PGR: variants seen among roughly 807,000 people sequenced by gnomAD.
The protein encoded by PGR is progesterone receptor.
PGR carries 25 observed loss-of-function variants against 76.1 expected under a neutral mutation model. The ratio of observed to expected loss-of-function variants is 0.33; its 90% confidence interval spans 0.24 to 0.46. The LOEUF is 0.46. Among genes scored for constraint, PGR ranks in the 20% least tolerant of loss-of-function variants. The pLI is 1.00. For missense variants in PGR, 1,172 were observed against 1,225.3 expected (o/e 0.96, Z 0.65); for synonymous variants, 579 against 535.0 (o/e 1.08, Z -1.14).
intron 2 of PGR, among the ~76,000 whole-genome samples, chr11:101,112,589 G>T (rs1026978633): frequency 1.3e-5 from 2 of 152,168 alleles, no homozygotes; most frequent in East Asian, 1.9e-4. Context: ...GAGGACAGGG[G>T]AGTGCTGGCA....
In PGR at chr11:101,032,830, C is replaced by T. The variant is rs56914699; in HGVS notation, c.*6286G>A. The T allele has an allele frequency of 1.0e-4, 19 of 189,226 alleles. No homozygotes were observed. Among genetic ancestry groups the T allele is most frequent in the East Asian group, 6.8e-4 (8 of 11,786 alleles). The allele number at this position is 189,226 out of a possible 1,614,324, so 11.7% of individuals were successfully genotyped here. On this transcript the variant is annotated 3_prime_UTR_variant, in exon 8 of 8. Transcript: ENST00000325455. Reference sequence around the variant, plus strand: ...CATCCAACTCTAAGCTCGGAGAAGACGGGAACACTGGTAATCTCCACAATC... The same window carrying T: ...CATCCAACTCTAAGCTCGGAGAAGATGGGAACACTGGTAATCTCCACAATC...
intron 2 of PGR, among the ~76,000 whole-genome samples, chr11:101,092,388 G>C (rs2135457631): frequency 1.3e-5 from 2 of 152,232 alleles, no homozygotes; most frequent in East Asian, 3.9e-4. Flanking sequence ...TCTCTTTAAG[G>C]AATCAATGGA....
chr11:101,127,420 TC>T lies in PGR; in HGVS notation c.1637+13del. The T allele has an allele frequency of 6.5e-7, 1 of 1,529,736 alleles. No individual in the cohort carries two copies. The highest frequency in any genetic ancestry group is 1.4e-5 in the African/African-American group (1 of 69,924). The allele number at this position is 1,529,736 out of a possible 1,614,324, so 94.8% of individuals were successfully genotyped here. On this transcript the variant is annotated intron_variant, in intron 1 of 7. Coordinates refer to ENST00000325455, the MANE Select transcript of PGR (RefSeq NM_000926.4). The stretch of plus-strand genomic sequence containing the variant: ...TCCCGGACGCGCTGGGCGTGCCCCG[TC>T]CCGGGCCCTCACCTCAGGTAGTTGA...
intron 3 of PGR, among the ~76,000 whole-genome samples, chr11:101,084,588 G>C (rs1861427368): frequency 6.6e-6 from 1 of 151,900 alleles, no homozygotes; most frequent in Non-Finnish European, 1.5e-5. Flanking sequence ...AACCTGGGAG[G>C]TGGAGGTTGC....
chr11:101,095,862 G>C (rs1861816005), intron 2 of PGR, among the ~76,000 whole-genome samples: 2 of 152,094 alleles, frequency 1.3e-5, no homozygotes, highest in South Asian at 4.1e-4. Flanking sequence ...TCTATATCTA[G>C]TCAAGTTATT....
At chr11:101,057,853 T>G (rs191209785) in intron 4 of PGR, among the ~76,000 whole-genome samples, 7 of 152,264 alleles carry the variant, frequency 4.6e-5, no homozygotes, top group African/African-American at 1.7e-4. Context: ...GGTGGAGCTG[T>G]GTAATAAGCA....
intron 2 of PGR, among the ~76,000 whole-genome samples, chr11:101,104,240 T>C (rs1488267293): frequency 2.6e-5 from 4 of 152,350 alleles, no homozygotes; most frequent in African/African-American, 9.6e-5. Context: ...AATCACTGGA[T>C]ATTTATGGGT....
At chr11:101,065,586 T>C (rs1197668033) in intron 3 of PGR, among the ~76,000 whole-genome samples, 1 of 152,158 alleles carries the variant, frequency 6.6e-6, no homozygotes, top group Non-Finnish European at 1.5e-5. Context: ...CAGTGACAGT[T>C]TAGAATGACT....
chr11:101,077,816 G>A (rs534774724), intron 3 of PGR, among the ~76,000 whole-genome samples: 52 of 152,296 alleles, frequency 3.4e-4, no homozygotes, highest in Admixed American at 8.5e-4. Flanking sequence ...GAGAGGTGCT[G>A]TCTCTGAGAG....
chr11:101,081,084 A>G (rs1339002160), intron 3 of PGR, among the ~76,000 whole-genome samples: 1 of 152,162 alleles, frequency 6.6e-6, no homozygotes, highest in Non-Finnish European at 1.5e-5. Context: ...AAACTTTCCT[A>G]ATCTTGCTAG....
At chr11:101,124,740 GTAAA>G (rs920027697) in intron 2 of PGR, among the ~76,000 whole-genome samples, 4 of 152,136 alleles carry the variant, frequency 2.6e-5, no homozygotes, top group African/African-American at 9.7e-5. Flanking sequence ...AACTGTAACT[GTAAA>G]TAAATAATGT....
chr11:101,064,331 C>CAAAAAAAA lies in PGR; in HGVS notation c.1907-1587_1907-1580dup. Among the ~76,000 whole-genome samples, 57 of 39,446 alleles carry CAAAAAAAA rather than the reference C, an allele frequency of 1.4e-3. 4 individuals carry two copies. The highest frequency in any genetic ancestry group is 0.029 in the Middle Eastern group (1 of 34). The allele number at this position is 39,446 out of a possible 152,430, so 25.9% of individuals were successfully genotyped here. On this transcript the variant is annotated intron_variant, in intron 3 of 7. Transcript: ENST00000325455. ...AGGTGACAAGGGAGAAACTCCACCT[C>CAAAAAAAA]AAAAAAAAAAAAAAAAAAAAAAAAA...
chr11:101,039,789 A>G (rs1859638019), intron 7 of PGR, among the ~76,000 whole-genome samples: 1 of 152,046 alleles, frequency 6.6e-6, no homozygotes, highest in Non-Finnish European at 1.5e-5. Flanking sequence ...CAGCAGCAGC[A>G]GCATCAATAG....
chr11:101,128,542 C>A lies in PGR; in HGVS notation c.529G>T (p.Gly177Trp). 1 of 1,599,404 alleles carries A rather than the reference C, an allele frequency of 6.3e-7. No homozygotes were observed. Among genetic ancestry groups the A allele is most frequent in the South Asian group, 1.1e-5 (1 of 89,700 alleles). The change falls in exon 1 of 8, where the codon GGG (glycine) becomes TGG (tryptophan). Residue 177 changes from glycine to tryptophan, a missense_variant. Gly to Trp is a radical substitution (Grantham distance 184). Transcript: ENST00000325455. ...AGCACTTTATGGGCAGCTGCCGTCC[C>A]GGAGCTGTCTCCAACCTTGCACCCG... Reference protein sequence around the residue: ...RSGCKVGDSSGTAAAHKVLPR... With the variant: ...RSGCKVGDSSWTAAAHKVLPR...
chr11:101,038,991 C>A lies in PGR; in HGVS notation c.*125G>T. 1 of 625,968 alleles carries A rather than the reference C, an allele frequency of 1.6e-6. No homozygotes were observed. Among genetic ancestry groups the A allele is most frequent in the Non-Finnish European group, 2.7e-6 (1 of 363,818 alleles). 38.8% of individuals were successfully genotyped at this position (625,968 alleles called of 1,614,324 possible). On this transcript the variant is annotated 3_prime_UTR_variant, in exon 8 of 8. Transcript: ENST00000325455. ...CCTCACAATTTTTCTTTTAAATTTA[C>A]ACACTATGATGTTATAAATGTAAGG...
At chr11:101,050,766 T>C (rs181526090) in intron 5 of PGR, among the ~76,000 whole-genome samples, 119 of 152,212 alleles carry the variant, frequency 7.8e-4, no homozygotes, top group African/African-American at 2.8e-3. Context: ...GATTATATAA[T>C]TCTCCTGAGA....
In PGR at chr11:101,037,644, A is replaced by G. The variant is rs1471861766; in HGVS notation, c.*1472T>C. On this transcript the variant is annotated 3_prime_UTR_variant, in exon 8 of 8. Coordinates refer to ENST00000325455, the MANE Select transcript of PGR (RefSeq NM_000926.4). Reference sequence around the variant, plus strand: ...AAATACACTTCTATTCTTCTATGTTATAGTCAGTAAAGGGAGAGATCTCAC... The same window carrying G: ...AAATACACTTCTATTCTTCTATGTTGTAGTCAGTAAAGGGAGAGATCTCAC... 1 of 225,702 alleles carries G rather than the reference A, an allele frequency of 4.4e-6. No homozygotes were observed. The highest frequency in any genetic ancestry group is 8.8e-6 in the Non-Finnish European group (1 of 113,432). The allele number at this position is 225,702 out of a possible 1,614,324, so 14.0% of individuals were successfully genotyped here.
chr11:101,123,850 A>G (rs1349447267), intron 2 of PGR, among the ~76,000 whole-genome samples: 1 of 152,214 alleles, frequency 6.6e-6, no homozygotes, highest in East Asian at 1.9e-4. Flanking sequence ...TTATGTGCAT[A>G]TGTTACCTCC....
At chr11:101,076,964 T>C (rs1269707638) in intron 3 of PGR, among the ~76,000 whole-genome samples, 1 of 147,686 alleles carries the variant, frequency 6.8e-6, no homozygotes, top group Admixed American at 6.8e-5. Context: ...GTTTGTTTTA[T>C]ACTGCCTCAT....
Sources: allele counts gnomAD v4.1 joint callset (sites outside exome capture counted in the v4.1 genomes callset), GRCh38; gene constraint gnomAD v4.1.1; transcripts MANE v1.5; gene names NCBI Gene and HGNC (gene_info 2026-07-23, HGNC 2026-07-21).